PELP1: variants seen among roughly 807,000 people sequenced by gnomAD.
The protein encoded by PELP1 is proline, glutamate and leucine rich protein 1.
PELP1 carries 32 observed loss-of-function variants against 95.5 expected under a neutral mutation model. The observed-to-expected ratio is 0.34, with a 90% confidence interval of 0.25 to 0.45. The LOEUF (loss-of-function observed/expected upper bound fraction) is 0.45. PELP1 is among the 20% of genes least tolerant of loss of function. The pLI is 1.00. For synonymous variants in PELP1, 668 were observed against 600.1 expected, an observed-to-expected ratio of 1.11 and a Z score of -1.65; for missense variants, 1,358 against 1,444.8, an observed-to-expected ratio of 0.94 and a Z score of 0.97.
Position 4,691,579 on chromosome 17 carries a change from A to G in PELP1, c.250-137T>C, listed in dbSNP as rs1037378882. The G allele has an allele frequency of 8.0e-5, 54 of 673,010 alleles. No homozygotes were observed. In the African/African-American group the frequency reaches 8.5e-4, roughly 11 times the overall value. 41.7% of individuals were successfully genotyped at this position (673,010 alleles called of 1,614,324 possible). ...TCCTCTGAGGCCAAAAGGCCATCCCACTAGAAGCCTTGAGCTTTTCCCCTT... is the reference window on the plus strand; with the variant it reads ...TCCTCTGAGGCCAAAAGGCCATCCCGCTAGAAGCCTTGAGCTTTTCCCCTT... On this transcript the variant is annotated intron_variant, in intron 1 of 16. Coordinates refer to ENST00000572293, the MANE Select transcript of PELP1 (RefSeq NM_014389.3).
chr17:4,682,407 T>C, intron 5 of PELP1, 95 bp downstream of exon 5: 1 of 821,390 alleles, frequency 1.2e-6, no homozygotes, highest in Non-Finnish European at 2.1e-6. Context: ...TAAAGGATAA[T>C]CAGAAGATAG....
intron 3 of PELP1, among the ~76,000 whole-genome samples, chr17:4,686,315 C>T (rs1469842551): frequency 6.6e-6 from 1 of 152,174 alleles, no homozygotes; most frequent in Non-Finnish European, 1.5e-5. Context: ...CTACTCGATG[C>T]TAATCTATCC....
chr17:4,677,738 G>T (rs1912539491), intron 5 of PELP1, among the ~76,000 whole-genome samples: 3 of 152,116 alleles, frequency 2.0e-5, no homozygotes, highest in Admixed American at 2.0e-4. Context: ...AGACCAGTCT[G>T]GGCAACATGG....
At position 4,671,791 on chromosome 17, in the gene PELP1, T is replaced by C; in HGVS notation, c.3200A>G (p.Glu1067Gly). 6.6e-7 allele frequency: 1 copy of C among 1,516,682 alleles called. No individual in the cohort carries two copies. Among genetic ancestry groups the C allele is most frequent in the Non-Finnish European group, 8.8e-7 (1 of 1,136,548 alleles). 94.0% of individuals were successfully genotyped at this position (1,516,682 alleles called of 1,614,324 possible). The change falls in exon 16 of 17, where the codon GAG (glutamate) becomes GGG (glycine). Residue 1067 changes from glutamate to glycine, a missense_variant. Physicochemically the swap from Glu to Gly is moderately conservative, Grantham distance 98 (BLOSUM62 -2). Around this residue, in one of 7 missense-constraint regions of PELP1, gnomAD observed 283 missense variants for 284.1 expected, o/e 1.00. Coordinates refer to ENST00000572293, the MANE Select transcript of PELP1 (RefSeq NM_014389.3). ...CTTGTCACTCCCATCCTCAGTCTCC[T>C]CTTCCAACAGGGTTGGGGGAGCAGA... ...EPSAPPTLLE[E>G]ETEDGSDKVQ...
chr17:4,672,447 AGGCGGC>A lies in PELP1; in HGVS notation c.2538_2543del (p.Pro847_Pro848del), dbSNP rs763233619. On this transcript the variant is annotated inframe_deletion, in exon 16 of 17. Coordinates refer to ENST00000572293, the MANE Select transcript of PELP1 (RefSeq NM_014389.3). ...GAGGGAGCGTCACAGGACCAGGAAC[AGGCGGC>A]GGCGGAGGTGGGGGTGGCGGGAGAG... The A allele has an allele frequency of 6.5e-7, 1 of 1,530,688 alleles. No individual in the cohort carries two copies. The allele number at this position is 1,530,688 out of a possible 1,614,324, so 94.8% of individuals were successfully genotyped here. A position where few individuals can be genotyped will look rare whatever the true frequency, so the allele number is the denominator to read the frequency against.
In PELP1 at chr17:4,671,101, G is replaced by A. The variant is rs957258732; in HGVS notation, c.*338C>T. 7 of 319,328 alleles carry A rather than the reference G, an allele frequency of 2.2e-5. No individual in the cohort carries two copies. The East Asian group carries it at 3.7e-4, about 17-fold the overall frequency. 19.8% of individuals were successfully genotyped at this position (319,328 alleles called of 1,614,324 possible). ...GCATTCTCCACACATTTCCCACCCC[G>A]AATACAAACACGAAAGCAGGGCTGT... is the stretch of plus-strand genomic sequence containing the variant. On this transcript the variant is annotated 3_prime_UTR_variant, in exon 17 of 17. Coordinates refer to ENST00000572293, the MANE Select transcript of PELP1 (RefSeq NM_014389.3).
In PELP1 at chr17:4,690,981, C is replaced by T. The variant is rs775526317; in HGVS notation, c.327G>A (p.Leu109=). The change falls in exon 3 of 17, where the codon CTG becomes CTA. Residue 109 remains leucine (L), a synonymous_variant. Coordinates refer to ENST00000572293, the MANE Select transcript of PELP1 (RefSeq NM_014389.3). ...LSSIKTRFEG[L]CLLSLLVGES... ...CCCCTACCAGCAGGGACAGCAGACA[C>T]AGGCCCTCAAACCTTCAAAGAAAGA... 1.9e-6 allele frequency: 3 copies of T among 1,612,832 alleles called. No homozygotes were observed. Among genetic ancestry groups the T allele is most frequent in the South Asian group, 2.2e-5 (2 of 91,048 alleles).
At chr17:4,676,991 ACTC>A (rs1257669883) in intron 5 of PELP1, among the ~76,000 whole-genome samples, 179 bp from the exon 6 acceptor site, 1 of 151,758 alleles carries the variant, frequency 6.6e-6, no homozygotes, top group African/African-American at 2.4e-5. Context: ...ATGGTAAAAG[ACTC>A]CTCAACGCCA....
chr17:4,700,415 G>A (rs2150567686), intron 1 of PELP1, among the ~76,000 whole-genome samples: 1 of 152,172 alleles, frequency 6.6e-6, no homozygotes, highest in East Asian at 1.9e-4. Flanking sequence ...GAGGTCGAGT[G>A]GGGAGGATAA....
At chr17:4,694,582 A>G (rs972647329) in intron 1 of PELP1, among the ~76,000 whole-genome samples, 1 of 146,742 alleles carries the variant, frequency 6.8e-6, no homozygotes, top group Admixed American at 6.9e-5. Context: ...ACCGCTTGAG[A>G]ACGGGAGGCG....
At chr17:4,693,393 T>C (rs1913182267) in intron 1 of PELP1, among the ~76,000 whole-genome samples, 1 of 152,204 alleles carries the variant, frequency 6.6e-6, no homozygotes, top group South Asian at 2.1e-4. Context: ...CTCAGAAACT[T>C]CGGATACTAC....
intron 5 of PELP1, among the ~76,000 whole-genome samples, chr17:4,682,107 C>T (rs1912712852): frequency 6.6e-6 from 1 of 152,098 alleles, no homozygotes; most frequent in African/African-American, 2.4e-5. Context: ...CTACAGTGAG[C>T]CAAGTGTGTG....
In PELP1 at chr17:4,676,379, G is replaced by A. The variant is rs1274842781; in HGVS notation, c.831C>T (p.Ala277=). 1.2e-6 allele frequency: 2 copies of A among 1,613,136 alleles called. No individual in the cohort carries two copies. Among genetic ancestry groups the A allele is most frequent in the African/African-American group, 1.3e-5 (1 of 74,702 alleles). The change falls in exon 7 of 17, where the codon GCC becomes GCT. Residue 277 remains alanine (A), a synonymous_variant. Transcript: ENST00000572293. Reference sequence around the variant, plus strand: ...TACCAGTCTCTGCTCCCTCGTACAGGGCCCCCAGCAGGGTGTGCAGTGAGG... The same window carrying A: ...TACCAGTCTCTGCTCCCTCGTACAGAGCCCCCAGCAGGGTGTGCAGTGAGG... The part of the protein sequence containing the change: ...LLASLHTLLG[A]LYEGAETAPV...
At chr17:4,674,776 A>G (rs1377125702) in intron 12 of PELP1, 33 bp downstream of exon 12, 22 of 1,596,780 alleles carry the variant, frequency 1.4e-5, no homozygotes, top group Non-Finnish European at 1.8e-5. Context: ...AGGGCACAGG[A>G]TGAGTCCTAA....
At chr17:4,683,829 CTTTTTTTTTTTTTTT>C (rs994295435) in intron 3 of PELP1, among the ~76,000 whole-genome samples, 5 of 91,276 alleles carry the variant, frequency 5.5e-5, no homozygotes, top group African/African-American at 2.8e-4. Flanking sequence ...AGTGCCCAGC[CTTTTTTTTTTTTTTT>C]TTTTTTTTTT....
rs373130617 is a variant in PELP1, at chr17:4,683,387, A to T, written c.421-435T>A. Among the ~76,000 whole-genome samples the T allele has an allele frequency of 2.9e-3, 446 of 151,560 alleles. 3 individuals are homozygous for T. The highest frequency in any genetic ancestry group is 7.5e-3 in the South Asian group (36 of 4,782). ...AAGCGCCCGCCACCACGCCTGACTA[A>T]TTTTTTGTATTTTTAGTAGAGACGG... On this transcript the variant is annotated intron_variant, in intron 3 of 16. Transcript: ENST00000572293.
intron 5 of PELP1, among the ~76,000 whole-genome samples, chr17:4,682,092 C>T (rs904724612): frequency 1.3e-5 from 2 of 151,276 alleles, no homozygotes; most frequent in African/African-American, 4.9e-5. Context: ...CCCAGGAGGT[C>T]AAGGCTACAG....
chr17:4,683,134 C>A, intron 3 of PELP1, 182 bp from the exon 4 acceptor site: 1 of 1,223,012 alleles, frequency 8.2e-7, no homozygotes, highest in South Asian at 3.9e-5. Flanking sequence ...TTTACTATTA[C>A]GGGTATCTGG....
chr17:4,689,411 C>T (rs758884860), intron 3 of PELP1, among the ~76,000 whole-genome samples: 2 of 152,174 alleles, frequency 1.3e-5, no homozygotes, highest in Non-Finnish European at 2.9e-5. Flanking sequence ...AAAATCTTCA[C>T]AAACTATGCA....
Sources: allele counts gnomAD v4.1 joint callset (sites outside exome capture counted in the v4.1 genomes callset), GRCh38; gene constraint gnomAD v4.1.1; regional missense constraint gnomAD v4.1.1; transcripts MANE v1.5; gene names NCBI Gene and HGNC (gene_info 2026-07-23, HGNC 2026-07-21).